The following LEKR1 variants were observed in gnomAD, a reference collection of about 807,000 sequenced individuals.
LEKR1 encodes the protein protein LEKR1.
A neutral mutation model predicts 72.4 loss-of-function variants in LEKR1; 59 were observed. That is an observed-to-expected ratio of 0.82 (90% CI 0.66 to 1.01). The LOEUF (loss-of-function observed/expected upper bound fraction) is 1.01, where lower values mean the gene tolerates loss of function less well. Among genes scored for constraint, LEKR1 ranks in the 50% least tolerant of loss-of-function variants. The pLI, the probability that LEKR1 is intolerant of heterozygous loss-of-function variation, is 0.00. For synonymous variants in LEKR1, 257 were observed against 263.2 expected (o/e 0.98, Z 0.23); for missense variants, 728 against 759.2 (o/e 0.96, Z 0.48).
At chr3:156,904,881 A>G (rs572676006) in intron 3 of LEKR1, among the ~76,000 whole-genome samples, 43 of 152,214 alleles carry the variant, frequency 2.8e-4, no homozygotes, top group African/African-American at 9.2e-4. Flanking sequence ...GGAAAACTTA[A>G]GAGTACCATA....
chr3:156,917,047 A>T (rs1049665006), intron 3 of LEKR1, among the ~76,000 whole-genome samples: 1 of 152,150 alleles, frequency 6.6e-6, no homozygotes, highest in African/African-American at 2.4e-5. Flanking sequence ...ACACACTAGA[A>T]TTGATATCCT....
At chr3:156,929,022 G>T (rs887046021) in intron 5 of LEKR1, among the ~76,000 whole-genome samples, 3 of 151,844 alleles carry the variant, frequency 2.0e-5, no homozygotes, top group African/African-American at 7.3e-5. Flanking sequence ...TTTCAAATTA[G>T]CTATCATAAC....
intron 10 of LEKR1, among the ~76,000 whole-genome samples, chr3:157,024,261 A>C (rs1734043284): frequency 6.6e-6 from 1 of 152,160 alleles, no homozygotes; most frequent in South Asian, 2.1e-4. Context: ...CTTTTCCTTT[A>C]ATCATCCTTC....
At chr3:157,043,629 C>T (rs1441776711) in intron 12 of LEKR1, among the ~76,000 whole-genome samples, 1 of 152,158 alleles carries the variant, frequency 6.6e-6, no homozygotes, top group Non-Finnish European at 1.5e-5. Context: ...GCTTCAGTGT[C>T]TTTATTCGTC....
intron 2 of LEKR1, among the ~76,000 whole-genome samples, chr3:156,837,048 T>C (rs960005999): frequency 6.6e-6 from 1 of 152,230 alleles, no homozygotes; most frequent in South Asian, 2.1e-4. Flanking sequence ...ACTTTAATTA[T>C]GGAGAATAAA....
chr3:156,869,552 G>T (rs1213546075), intron 3 of LEKR1, among the ~76,000 whole-genome samples: 3 of 151,320 alleles, frequency 2.0e-5, no homozygotes, highest in Non-Finnish European at 4.4e-5. Flanking sequence ...GAATTATTTG[G>T]TTTTTTACTG....
chr3:156,921,762 G>A (rs1242175633), intron 4 of LEKR1, among the ~76,000 whole-genome samples: 1 of 152,044 alleles, frequency 6.6e-6, no homozygotes, highest in Non-Finnish European at 1.5e-5. Flanking sequence ...CTTCATGGAT[G>A]GTAAGATTTA....
intron 3 of LEKR1, among the ~76,000 whole-genome samples, chr3:156,870,266 A>G (rs985565596): frequency 6.6e-6 from 1 of 152,078 alleles, no homozygotes; most frequent in African/African-American, 2.4e-5. Context: ...AAGGGACTGC[A>G]TTGAATCTGT....
intron 1 of LEKR1, among the ~76,000 whole-genome samples, chr3:156,828,188 T>C (rs970642167): frequency 2.0e-5 from 3 of 152,256 alleles, no homozygotes; most frequent in African/African-American, 4.8e-5. Context: ...AATGAGTCTT[T>C]GTGCTAACAC....
At position 156,885,007 on chromosome 3, in the gene LEKR1, T is replaced by A. The variant is rs1359551806; in HGVS notation, c.263+32025T>A. 2.6e-5 allele frequency among the ~76,000 whole-genome samples: 4 copies of A among 152,168 alleles called. No homozygotes were observed. In the East Asian group the frequency reaches 5.8e-4, roughly 22 times the overall value. On this transcript the variant is annotated intron_variant, in intron 3 of 12. Coordinates refer to ENST00000356539, the MANE Select transcript of LEKR1 (RefSeq NM_001004316.3). The stretch of plus-strand genomic sequence containing the variant: ...TGTTTTCTCTTTGTCTTTGTCAGAT[T>A]GGGTTAATTCAAAAGCCTTGTCTTT...
At chr3:156,851,012 C>T (rs769887592) in intron 2 of LEKR1, among the ~76,000 whole-genome samples, 11 of 152,048 alleles carry the variant, frequency 7.2e-5, no homozygotes, top group Admixed American at 3.9e-4. Flanking sequence ...TGCATTAGAA[C>T]GTATTACAAT....
chr3:156,992,429 TG>T (rs1731209858), intron 7 of LEKR1, among the ~76,000 whole-genome samples: 4 of 152,222 alleles, frequency 2.6e-5, no homozygotes, highest in African/African-American at 7.2e-5. Flanking sequence ...TATTTGTTTT[TG>T]TTTTTTAGTG....
At chr3:157,015,053 AAGAC>A (rs1356219593) in intron 10 of LEKR1, among the ~76,000 whole-genome samples, 4 of 152,204 alleles carry the variant, frequency 2.6e-5, no homozygotes, top group African/African-American at 7.2e-5. Flanking sequence ...CAGGCAATGA[AAGAC>A]AGTGATTCCT....
chr3:156,883,156 A>G (rs1719648161), intron 3 of LEKR1, among the ~76,000 whole-genome samples: 2 of 143,530 alleles, frequency 1.4e-5, no homozygotes, highest in African/African-American at 5.6e-5. Flanking sequence ...GTATAATAAT[A>G]ATAAAGAACG....
At chr3:156,951,465 C>CT (rs1727147092) in intron 6 of LEKR1, among the ~76,000 whole-genome samples, 1 of 151,508 alleles carries the variant, frequency 6.6e-6, no homozygotes, top group African/African-American at 2.4e-5. Flanking sequence ...TGGTAGAATT[C>CT]AGCTGTGAAT....
intron 3 of LEKR1, among the ~76,000 whole-genome samples, chr3:156,911,191 AT>A (rs199708894): frequency 2.2e-4 from 31 of 140,906 alleles, no homozygotes; most frequent in African/African-American, 7.0e-4. Flanking sequence ...TTTGAGAAAT[AT>A]TTTTTTCTCA....
intron 12 of LEKR1, among the ~76,000 whole-genome samples, chr3:157,042,359 C>T (rs1454336720): frequency 6.6e-6 from 1 of 152,188 alleles, no homozygotes; most frequent in Non-Finnish European, 1.5e-5. Context: ...TCCCCCACCC[C>T]GCTGGCTGGC....
chr3:156,882,767 G>A (rs1196211997), intron 3 of LEKR1, among the ~76,000 whole-genome samples: 1 of 152,100 alleles, frequency 6.6e-6, no homozygotes, highest in Non-Finnish European at 1.5e-5. Flanking sequence ...GTCCAACAAT[G>A]ATAGACTGGA....
intron 3 of LEKR1, among the ~76,000 whole-genome samples, chr3:156,918,390 T>C (rs748540509): frequency 6.6e-6 from 1 of 152,170 alleles, no homozygotes; most frequent in African/African-American, 2.4e-5. Context: ...TATTCAGTGG[T>C]ACTTTAAGGA....
Sources: allele counts gnomAD v4.1 joint callset (sites outside exome capture counted in the v4.1 genomes callset), GRCh38; gene constraint gnomAD v4.1.1; transcripts MANE v1.5; gene names NCBI Gene and HGNC (gene_info 2026-07-23, HGNC 2026-07-21).